Variants in CCDC171 observed in about 807,000 individuals in gnomAD.
CCDC171 encodes the protein coiled-coil domain-containing protein 171.
In CCDC171, 177 loss-of-function variants were observed where a neutral mutation model predicts 168.2. That is an observed-to-expected ratio of 1.05 (90% confidence interval 0.93 to 1.19). CCDC171 has a LOEUF of 1.19. CCDC171 is among the 50% of genes most tolerant of loss of function. CCDC171 has a pLI of 0.00. For synonymous variants in CCDC171, 687 were observed against 540.8 expected (o/e 1.27, Z -3.75); for missense variants, 1,991 against 1,539.0 (o/e 1.29, Z -4.91).
chr9:15,890,531 G>GTTT (rs58256366), intron 24 of CCDC171, among the ~76,000 whole-genome samples: 10,009 of 144,634 alleles, frequency 0.069, 756 homozygotes, highest in African/African-American at 0.18. Flanking sequence ...GATTGGTAAG[G>GTTT]TTTTTTTTTT....
chr9:15,688,765 C>G (rs2050585968), intron 10 of CCDC171, among the ~76,000 whole-genome samples: 1 of 152,134 alleles, frequency 6.6e-6, no homozygotes, highest in Non-Finnish European at 1.5e-5. Context: ...TGGTAAAAGA[C>G]TGAATACTTT....
At chr9:15,874,478 C>T (rs979280822) in intron 23 of CCDC171, 54 bp from the exon 24 acceptor site, 9 of 1,481,466 alleles carry the variant, frequency 6.1e-6, no homozygotes, top group Middle Eastern at 2.0e-4. Flanking sequence ...CCAGTTCATC[C>T]CAGTTAATGT....
At chr9:15,597,849 C>A (rs1013682684) in intron 6 of CCDC171, among the ~76,000 whole-genome samples, 31 of 152,100 alleles carry the variant, frequency 2.0e-4, no homozygotes, top group Admixed American at 2.0e-3. Context: ...CTCAGAGATT[C>A]AACTTCTTCC....
chr9:15,904,217 A>G (rs1589062708), intron 24 of CCDC171, among the ~76,000 whole-genome samples: 1 of 152,146 alleles, frequency 6.6e-6, no homozygotes, highest in Non-Finnish European at 1.5e-5. Context: ...TCCAAGACAC[A>G]TAATTGTCAG....
At chr9:15,854,186 C>A (rs2061259092) in intron 23 of CCDC171, among the ~76,000 whole-genome samples, 1 of 150,574 alleles carries the variant, frequency 6.6e-6, no homozygotes, top group South Asian at 2.1e-4. Context: ...AGTGTTAATT[C>A]TTTAAACATT....
intron 24 of CCDC171, chr9:15,875,052 A>G (rs1817666366): frequency 6.5e-6 from 1 of 152,818 alleles, no homozygotes. Context: ...AAAATAATAA[A>G]TCACTTTAGT....
intron 11 of CCDC171, among the ~76,000 whole-genome samples, chr9:15,701,339 C>G (rs1263997333): frequency 6.6e-6 from 1 of 152,020 alleles, no homozygotes; most frequent in African/African-American, 2.4e-5. Context: ...TGAAGGATTT[C>G]TCATATGTTT....
chr9:15,589,775 A>G (rs141467491), intron 4 of CCDC171, among the ~76,000 whole-genome samples: 15 of 152,370 alleles, frequency 9.8e-5, no homozygotes, highest in Admixed American at 4.6e-4. Context: ...GAAGATGAAG[A>G]TGGAAGAAAC....
chr9:15,599,907 A>G (rs557310166), intron 6 of CCDC171, among the ~76,000 whole-genome samples: 2 of 152,146 alleles, frequency 1.3e-5, no homozygotes, highest in South Asian at 2.1e-4. Context: ...TTGATCTTCC[A>G]TCACTGATAC....
the CCDC171 span, among the ~76,000 whole-genome samples, chr9:16,087,365 A>C: frequency 6.6e-6 from 1 of 152,114 alleles, no homozygotes; most frequent in African/African-American, 2.4e-5. Flanking sequence ...GTGGGAGGCT[A>C]AGTCTCTTTG....
chr9:16,021,894 T>A (rs564791332), intron 4 of CCDC171, among the ~76,000 whole-genome samples: 1 of 152,344 alleles, frequency 6.6e-6, no homozygotes, highest in Non-Finnish European at 1.5e-5. Context: ...TGATGAGTGA[T>A]GAGCATGTGG....
intron 25 of CCDC171, among the ~76,000 whole-genome samples, chr9:15,931,917 A>G (rs963107779): frequency 6.6e-6 from 1 of 151,414 alleles, no homozygotes; most frequent in African/African-American, 2.4e-5. Context: ...CCTTAGGTGT[A>G]TGACTTTATT....
At chr9:15,767,681 T>C (rs893870101) in intron 18 of CCDC171, among the ~76,000 whole-genome samples, 3 of 152,056 alleles carry the variant, frequency 2.0e-5, no homozygotes, top group Admixed American at 6.5e-5. Context: ...CCTTTGGTAT[T>C]TGACATTGCT....
intron 18 of CCDC171, among the ~76,000 whole-genome samples, chr9:15,753,698 C>T (rs1030516772): frequency 2.6e-5 from 4 of 152,066 alleles, no homozygotes; most frequent in Non-Finnish European, 4.4e-5. Flanking sequence ...GGCTGTGCCT[C>T]TTACAGCTAG....
rs545643628 is a variant in CCDC171 at position 15,825,417 on chromosome 9, G to A, written c.3268-21285G>A. ...ATAATGTAACCACTATAAAGTGGAT[G>A]CTTTACATACGTTCTCTGCAATCCT... On this transcript the variant is annotated intron_variant, in intron 21 of 25. Transcript: ENST00000380701. 5.3e-5 allele frequency among the ~76,000 whole-genome samples: 8 copies of A among 152,244 alleles called. No individual in the cohort carries two copies. In the East Asian group the frequency reaches 1.5e-3, roughly 29 times the overall value.
chr9:15,700,421 T>C (rs2051629057), intron 11 of CCDC171, among the ~76,000 whole-genome samples: 1 of 152,128 alleles, frequency 6.6e-6, no homozygotes, highest in Admixed American at 6.5e-5. Context: ...CTCACGCCTC[T>C]CCCTCCACAC....
intron 25 of CCDC171, among the ~76,000 whole-genome samples, chr9:15,943,914 T>C (rs1391629218): frequency 6.6e-6 from 1 of 151,940 alleles, no homozygotes; most frequent in Admixed American, 6.6e-5. Flanking sequence ...TTTAAGAAGT[T>C]GTATTTGAGC....
chr9:15,836,728 C>T (rs1386331642), intron 21 of CCDC171, among the ~76,000 whole-genome samples: 1 of 152,176 alleles, frequency 6.6e-6, no homozygotes, highest in African/African-American at 2.4e-5. Flanking sequence ...CTTCTAGTCA[C>T]ATTTCATTGG....
At chr9:15,592,462 C>T (rs2042071038) in intron 5 of CCDC171, among the ~76,000 whole-genome samples, 1 of 152,120 alleles carries the variant, frequency 6.6e-6, no homozygotes, top group African/African-American at 2.4e-5. Flanking sequence ...AAATTAATTA[C>T]ACAAAAGCAT....
Sources: allele counts gnomAD v4.1 joint callset (sites outside exome capture counted in the v4.1 genomes callset), GRCh38; gene constraint gnomAD v4.1.1; transcripts MANE v1.5; gene names NCBI Gene and HGNC (gene_info 2026-07-23, HGNC 2026-07-21).